MINDY4: variants seen among roughly 807,000 people sequenced by gnomAD.
MINDY4 encodes probable ubiquitin carboxyl-terminal hydrolase MINDY-4.
MINDY4 carries 68 observed loss-of-function variants against 87.0 expected under a neutral mutation model. The ratio of observed to expected loss-of-function variants is 0.78; its 90% CI spans 0.64 to 0.96. MINDY4 has a LOEUF of 0.96. Ranked by LOEUF, MINDY4 falls within the 40% of genes least tolerant of loss-of-function variation. MINDY4 has a pLI of 0.00. For missense variants in MINDY4, 919 were observed against 928.2 expected, an observed-to-expected ratio of 0.99 and a Z score of 0.13; for synonymous variants, 379 against 363.2, an observed-to-expected ratio of 1.04 and a Z score of -0.50.
chr7:30,802,799 A>G (rs1787694444), intron 5 of MINDY4, among the ~76,000 whole-genome samples: 1 of 152,150 alleles, frequency 6.6e-6, no homozygotes, highest in African/African-American at 2.4e-5. Context: ...CAACTAAACA[A>G]CTAACCAGCC....
At chr7:30,834,664 T>A (rs1473635264) in intron 6 of MINDY4, among the ~76,000 whole-genome samples, 1 of 152,372 alleles carries the variant, frequency 6.6e-6, no homozygotes, top group East Asian at 1.9e-4. Context: ...TTCTTTTCTG[T>A]TGCTAGTTTT....
chr7:30,833,517 G>T (rs918161014), intron 6 of MINDY4, among the ~76,000 whole-genome samples: 1 of 152,172 alleles, frequency 6.6e-6, no homozygotes, highest in Non-Finnish European at 1.5e-5. Flanking sequence ...TACAAGATGA[G>T]ATTTGGGTGG....
chr7:30,775,116 C>T (rs1786769460), intron 1 of MINDY4, among the ~76,000 whole-genome samples: 1 of 152,136 alleles, frequency 6.6e-6, no homozygotes, highest in Non-Finnish European at 1.5e-5. Context: ...ATCTCCAACT[C>T]TCCAGACACC....
At chr7:30,859,474 G>T (rs988984804) in intron 13 of MINDY4, 150 bp downstream of exon 13, 3 of 740,772 alleles carry the variant, frequency 4.0e-6, no homozygotes, top group Middle Eastern at 3.8e-4. Flanking sequence ...GTAGGGGAAG[G>T]TCTGCTGGTG....
chr7:30,799,414 A>T (rs1787585624), intron 5 of MINDY4, among the ~76,000 whole-genome samples: 1 of 152,078 alleles, frequency 6.6e-6, no homozygotes, highest in African/African-American at 2.4e-5. Context: ...ACCTGGAATC[A>T]CTCCCAGCCC....
At chr7:30,806,668 A>G (rs1450085586) in intron 5 of MINDY4, among the ~76,000 whole-genome samples, 3 of 152,282 alleles carry the variant, frequency 2.0e-5, no homozygotes, top group South Asian at 2.1e-4. Flanking sequence ...GGGGTCAGGC[A>G]TATAGCAGGC....
chr7:30,836,541 C>T (rs1037245647), intron 6 of MINDY4, 117 bp from the exon 7 acceptor site: 1 of 838,954 alleles, frequency 1.2e-6, no homozygotes, highest in Non-Finnish European at 2.0e-6. Flanking sequence ...CGGGGAGGAA[C>T]CCTCCTTTCA....
At chr7:30,808,324 G>A (rs1056577640) in intron 5 of MINDY4, among the ~76,000 whole-genome samples, 7 of 152,212 alleles carry the variant, frequency 4.6e-5, no homozygotes, top group African/African-American at 7.2e-5. Flanking sequence ...TACCTATACC[G>A]GCACTTTGGT....
chr7:30,858,291 C>T (rs1789639706), intron 12 of MINDY4: 1 of 152,218 alleles, frequency 6.6e-6, no homozygotes, highest in Non-Finnish European at 1.5e-5. Flanking sequence ...ACAGCTAACA[C>T]AGGTGCCAGG....
In MINDY4 at chr7:30,853,429, G is replaced by T. The variant is rs1789477954; in HGVS notation, c.1647G>T (p.Leu549=). The T allele has an allele frequency of 1.9e-6, 3 of 1,613,482 alleles. No individual in the cohort carries two copies. The African/African-American group carries it at 4.0e-5, about 22-fold the overall frequency. ...ACAGTTTGACCTGCTATGAGGACCT[G>T]GTGACTTTTCTTCAACAAAGCATTC... The part of the protein sequence containing the change: ...TLHSLTCYED[L]VTFLQQSIHQ... Residue 549 remains leucine (L), a synonymous_variant, in exon 12 of 18, where the codon CTG becomes CTT. Coordinates refer to ENST00000265299, the MANE Select transcript of MINDY4 (RefSeq NM_032222.3).
intron 12 of MINDY4, among the ~76,000 whole-genome samples, chr7:30,857,124 T>G (rs7799035): frequency 1.3e-5 from 2 of 152,052 alleles, no homozygotes; most frequent in African/African-American, 2.4e-5. Context: ...CTTTGAAAAG[T>G]AAATGATGTC....
chr7:30,778,347 C>T (rs1786891563), intron 1 of MINDY4, 85 bp from the exon 2 acceptor site: 2 of 1,538,964 alleles, frequency 1.3e-6, no homozygotes, highest in South Asian at 1.1e-5. Context: ...TCTTGGTGAA[C>T]ATCAGGAATC....
intron 4 of MINDY4, chr7:30,786,234 A>G: frequency 1.9e-6 from 1 of 522,012 alleles, no homozygotes; most frequent in Non-Finnish European, 3.4e-6. Flanking sequence ...GGTGGATGCC[A>G]TGGTTTTCTG....
At chr7:30,825,108 A>G (rs961438066) in intron 5 of MINDY4, among the ~76,000 whole-genome samples, 23 of 152,342 alleles carry the variant, frequency 1.5e-4, no homozygotes, top group Admixed American at 1.5e-3. Context: ...GGTTATCAGC[A>G]CAATCACACT....
chr7:30,828,044 A>G (rs1355112916), intron 5 of MINDY4, among the ~76,000 whole-genome samples: 1 of 152,194 alleles, frequency 6.6e-6, no homozygotes, highest in Non-Finnish European at 1.5e-5. Flanking sequence ...GAGCTTTAGA[A>G]AATGCTCCCT....
chr7:30,806,373 G>A (rs1787805063), intron 5 of MINDY4, among the ~76,000 whole-genome samples: 1 of 152,092 alleles, frequency 6.6e-6, no homozygotes, highest in Non-Finnish European at 1.5e-5. Context: ...TTTTAGGATT[G>A]TCATAAGGAA....
chr7:30,812,275 G>T (rs540475075), intron 5 of MINDY4, among the ~76,000 whole-genome samples: 15 of 91,478 alleles, frequency 1.6e-4, no homozygotes, highest in Admixed American at 9.6e-5. Context: ...GTGTTGAGGG[G>T]GGGGGGGTAT....
At chr7:30,820,469 C>T (rs903079515) in intron 5 of MINDY4, among the ~76,000 whole-genome samples, 1 of 152,144 alleles carries the variant, frequency 6.6e-6, no homozygotes, top group Non-Finnish European at 1.5e-5. Flanking sequence ...AGTTCTAGAA[C>T]ATCTTCATTT....
rs73089509 is a variant in MINDY4, at chr7:30,805,307, G to T, written c.1073+13733G>T. On this transcript the variant is annotated intron_variant, in intron 5 of 17. Transcript: ENST00000265299. ...TGGGCAGGCAGTTAGCAGGAGTAGGGGCACCTGAAGGGGAGGTGCTGCTTG... is the reference window on the plus strand; with the variant it reads ...TGGGCAGGCAGTTAGCAGGAGTAGGTGCACCTGAAGGGGAGGTGCTGCTTG... Among the ~76,000 whole-genome samples the T allele has an allele frequency of 8.5e-5, 13 of 152,218 alleles. No individual in the cohort carries two copies. The East Asian group carries it at 2.3e-3, about 27-fold the overall frequency.
Sources: allele counts gnomAD v4.1 joint callset (sites outside exome capture counted in the v4.1 genomes callset), GRCh38; gene constraint gnomAD v4.1.1; transcripts MANE v1.5; gene names NCBI Gene and HGNC (gene_info 2026-07-23, HGNC 2026-07-21).